The following MCAM variants were observed in gnomAD, a reference collection of about 807,000 sequenced individuals.
MCAM encodes the protein melanoma cell adhesion molecule.
Under a neutral mutation model 79.1 loss-of-function variants are expected in MCAM, and 55 were observed. That is an observed-to-expected ratio of 0.70 (90% confidence interval 0.56 to 0.87). The LOEUF is 0.87. Among genes scored for constraint, MCAM ranks in the 40% least tolerant of loss-of-function variants. The probability of loss-of-function intolerance (pLI) is 0.00; values close to 1 mark genes in which losing one functional copy is unlikely to be tolerated. For synonymous variants in MCAM, 330 were observed against 339.8 expected (o/e 0.97, Z 0.32); for missense variants, 745 against 839.8 (o/e 0.89, Z 1.40).
chr11:119,309,642 T>G lies in MCAM; in HGVS notation c.*244A>C, dbSNP rs1286404238. 1.8e-6 allele frequency: 1 copy of G among 549,588 alleles called. No homozygotes were observed. The highest frequency in any genetic ancestry group is 2.0e-5 in the African/African-American group (1 of 49,700). The allele number at this position is 549,588 out of a possible 1,614,324, so 34.0% of individuals were successfully genotyped here. A position where few individuals can be genotyped will look rare whatever the true frequency, so the allele number is the denominator to read the frequency against. On this transcript the variant is annotated 3_prime_UTR_variant, in exon 16 of 16. Transcript: ENST00000264036. ...TCCTACCCGCTCGGGAGACTGGGGCTCCTTGCTTGGGATGAGCTTCACTCA... is the reference window on the plus strand; with the variant it reads ...TCCTACCCGCTCGGGAGACTGGGGCGCCTTGCTTGGGATGAGCTTCACTCA...
Position 119,312,715 on chromosome 11 carries a change from C to T in MCAM, c.739+55G>A, listed in dbSNP as rs1950253227. ...CCTGGGCTGGATAAGGGGGAGCCAGCAGGAGTTTCCAGCAGCCCCAGCCCC... is the reference window on the plus strand; with the variant it reads ...CCTGGGCTGGATAAGGGGGAGCCAGTAGGAGTTTCCAGCAGCCCCAGCCCC... On this transcript the variant is annotated intron_variant, in intron 6 of 15. Transcript: ENST00000264036. This position sits in a 1 kb window ranked among gnomAD's most constrained non-coding sequence, Gnocchi z 4.9. The T allele has an allele frequency of 1.2e-6, 2 of 1,613,130 alleles. No homozygotes were observed. The highest frequency in any genetic ancestry group is 1.7e-6 in the Non-Finnish European group (2 of 1,179,380).
At chr11:119,310,201 G>T in intron 15 of MCAM, 148 bp downstream of exon 15, 1 of 685,660 alleles carries the variant, frequency 1.5e-6, no homozygotes, top group Non-Finnish European at 2.6e-6. Context: ...GCTTGGCCCT[G>T]CCATCTGTGA....
rs377642716 is a variant in MCAM, at chr11:119,312,663, G to T, written c.740-15C>A. 1.2e-5 allele frequency: 20 copies of T among 1,613,944 alleles called. 1 individual carries two copies. The South Asian group carries it at 2.0e-4, about 16-fold the overall frequency. On this transcript the variant is annotated splice_polypyrimidine_tract_variant and intron_variant, in intron 6 of 15. Transcript: ENST00000264036. This position sits in a 1 kb window ranked among gnomAD's most constrained non-coding sequence, Gnocchi z 4.9. ...TTCTGTCGGGTCTGCATAGGCAAAG[G>T]GGGTAGCTCTTGGCCCATGAGTCAA...
Position 119,313,084 on chromosome 11 carries a change from A to G in MCAM, c.560-135T>C, listed in dbSNP as rs754708672. 16 of 1,545,458 alleles carry G rather than the reference A, an allele frequency of 1.0e-5. 1 individual carries two copies. In the East Asian group the frequency reaches 1.2e-4, roughly 12 times the overall value. On this transcript the variant is annotated intron_variant, in intron 5 of 15. Coordinates refer to ENST00000264036, the MANE Select transcript of MCAM (RefSeq NM_006500.3). ...CTGTAGAAGGCCAGGTACAAATGCA[A>G]GCTGGAAACCCTTCAACCCAGCACT... is the stretch of plus-strand genomic sequence containing the variant.
In MCAM at chr11:119,312,201, C is replaced by A. The variant is rs1478891713; in HGVS notation, c.1025-31G>T. 1 of 1,610,596 alleles carries A rather than the reference C, an allele frequency of 6.2e-7. No individual in the cohort carries two copies. Among genetic ancestry groups the A allele is most frequent in the Non-Finnish European group, 8.5e-7 (1 of 1,177,852 alleles). ...GGTACAGCAATCATGTCACCCAGGG[C>A]AGGGTGGGGCCAGTTCCCTATTGCC... On this transcript the variant is annotated intron_variant, in intron 8 of 15. Coordinates refer to ENST00000264036, the MANE Select transcript of MCAM (RefSeq NM_006500.3). This position sits in a 1 kb window ranked among gnomAD's most constrained non-coding sequence, Gnocchi z 4.9.
Position 119,312,014 on chromosome 11 carries a change from C to G in MCAM, c.1143+38G>C, listed in dbSNP as rs1450431463. 1.2e-6 allele frequency: 2 copies of G among 1,607,246 alleles called. No individual in the cohort carries two copies. The highest frequency in any genetic ancestry group is 1.7e-6 in the Non-Finnish European group (2 of 1,176,244). On this transcript the variant is annotated intron_variant, in intron 9 of 15. Transcript: ENST00000264036. The surrounding 1 kb of genome is among the most constrained non-coding windows in gnomAD (Gnocchi z 4.9). ...CATTCTTGTCACCGCCAGCCCCACC[C>G]ACCCCATCAGCCCCTTGCCCCAGAC...
Position 119,309,820 on chromosome 11 carries a change from T to A in MCAM, c.*66A>T, listed in dbSNP as rs1198642067. 4.0e-6 allele frequency: 6 copies of A among 1,491,534 alleles called. No individual in the cohort carries two copies. The highest frequency in any genetic ancestry group is 5.5e-6 in the Non-Finnish European group (6 of 1,085,436). 92.4% of individuals were successfully genotyped at this position (1,491,534 alleles called of 1,614,324 possible). ...CTCTAGTCCCTTTGGAGGCTTTGGCTGAGAGAAGAGTGAGCAGGGAGCTGG... is the reference window on the plus strand; with the variant it reads ...CTCTAGTCCCTTTGGAGGCTTTGGCAGAGAGAAGAGTGAGCAGGGAGCTGG... On this transcript the variant is annotated 3_prime_UTR_variant, in exon 16 of 16. Coordinates refer to ENST00000264036, the MANE Select transcript of MCAM (RefSeq NM_006500.3).
chr11:119,312,186 T>A lies in MCAM; in HGVS notation c.1025-16A>T. 1 of 1,610,838 alleles carries A rather than the reference T, an allele frequency of 6.2e-7. No homozygotes were observed. Among genetic ancestry groups the A allele is most frequent in the Non-Finnish European group, 8.5e-7 (1 of 1,178,038 alleles). On this transcript the variant is annotated splice_polypyrimidine_tract_variant and intron_variant, in intron 8 of 15. Coordinates refer to ENST00000264036, the MANE Select transcript of MCAM (RefSeq NM_006500.3). The surrounding 1 kb of genome is among the most constrained non-coding windows in gnomAD (Gnocchi z 4.9). ...TCAGACACATCTGGGGGTACAGCAA[T>A]CATGTCACCCAGGGCAGGGTGGGGC... is the stretch of plus-strand genomic sequence containing the variant.
In MCAM at chr11:119,312,476, C is replaced by T. The variant is rs746872945; in HGVS notation, c.862-48G>A. 2 of 1,613,940 alleles carry T rather than the reference C, an allele frequency of 1.2e-6. No homozygotes were observed. The highest frequency in any genetic ancestry group is 2.2e-5 in the East Asian group (1 of 44,880). ...GCAGAGTGCACCTCCCGCCACTCCA[C>T]CTGGGTCTCTGCTTGCATCCCCACC... On this transcript the variant is annotated intron_variant, in intron 7 of 15. Transcript: ENST00000264036. This position sits in a 1 kb window ranked among gnomAD's most constrained non-coding sequence, Gnocchi z 4.9.
chr11:119,309,671 TGGA>T lies in MCAM; in HGVS notation c.*212_*214del, dbSNP rs148726764. On this transcript the variant is annotated 3_prime_UTR_variant, in exon 16 of 16. Coordinates refer to ENST00000264036, the MANE Select transcript of MCAM (RefSeq NM_006500.3). Reference sequence around the variant, plus strand: ...TGCTTGGGATGAGCTTCACTCAACGTGGAGGAGATGGTGGTGGACTGGTCCCTG... The same window carrying T: ...TGCTTGGGATGAGCTTCACTCAACGTGGAGATGGTGGTGGACTGGTCCCTG... The T allele has an allele frequency of 0.85, 491,712 of 578,202 alleles. 209,995 individuals carry two copies. The highest frequency in any genetic ancestry group is 0.98 in the East Asian group (34,379 of 35,164). 35.8% of individuals were successfully genotyped at this position (578,202 alleles called of 1,614,324 possible). A position where few individuals can be genotyped will look rare whatever the true frequency, so the allele number is the denominator to read the frequency against.
chr11:119,316,945 C>G lies in MCAM; in HGVS notation c.67+90G>C, dbSNP rs1020631259. 137 of 1,216,498 alleles carry G rather than the reference C, an allele frequency of 1.1e-4. No homozygotes were observed. The South Asian group carries it at 1.8e-3, about 16-fold the overall frequency. The allele number at this position is 1,216,498 out of a possible 1,614,324, so 75.4% of individuals were successfully genotyped here. On this transcript the variant is annotated intron_variant, in intron 1 of 15. Transcript: ENST00000264036. The surrounding 1 kb of genome is among the most constrained non-coding windows in gnomAD (Gnocchi z 4.8). ...AGGCTCGTCCTCCCAGACGCAACGCCCCGACCCCGCCGCGCCGCTGGCTCT... is the reference window on the plus strand; with the variant it reads ...AGGCTCGTCCTCCCAGACGCAACGCGCCGACCCCGCCGCGCCGCTGGCTCT...
In MCAM at chr11:119,309,504, G is replaced by T; in HGVS notation, c.*382C>A. On this transcript the variant is annotated 3_prime_UTR_variant, in exon 16 of 16. Coordinates refer to ENST00000264036, the MANE Select transcript of MCAM (RefSeq NM_006500.3). ...TGGTGCACCTGGATGGTGGAAGCCAGCCTTTGGGGCAGGAAACCAGCTCAG... is the reference window on the plus strand; with the variant it reads ...TGGTGCACCTGGATGGTGGAAGCCATCCTTTGGGGCAGGAAACCAGCTCAG... 1 of 276,834 alleles carries T rather than the reference G, an allele frequency of 3.6e-6. No homozygotes were observed. Among genetic ancestry groups the T allele is most frequent in the Non-Finnish European group, 6.9e-6 (1 of 144,194 alleles). The allele number at this position is 276,834 out of a possible 1,614,324, so 17.1% of individuals were successfully genotyped here.
At position 119,311,314 on chromosome 11, in the gene MCAM, C is replaced by T; in HGVS notation, c.1515G>A (p.Leu505=). Residue 505 remains leucine (L), a synonymous_variant, in exon 12 of 16, where the codon CTG becomes CTA. Coordinates refer to ENST00000264036, the MANE Select transcript of MCAM (RefSeq NM_006500.3). The surrounding 1 kb of genome is among the most constrained non-coding windows in gnomAD (Gnocchi z 4.4). Reference sequence around the variant, plus strand: ...GGAAGAGGATGCTGGTGTTTTTGCCCAGGTCGTTGGAGGCCGTGCATTCAA... The same window carrying T: ...GGAAGAGGATGCTGGTGTTTTTGCCTAGGTCGTTGGAGGCCGTGCATTCAA... ...TGVECTASND[L]GKNTSILFLE... 1 of 1,614,196 alleles carries T rather than the reference C, an allele frequency of 6.2e-7. No individual in the cohort carries two copies. Among genetic ancestry groups the T allele is most frequent in the African/African-American group, 1.3e-5 (1 of 75,050 alleles).
intron 5 of MCAM, chr11:119,313,804 C>A (rs1565281933): frequency 7.9e-6 from 2 of 253,394 alleles, no homozygotes; most frequent in Non-Finnish European, 1.3e-5. Flanking sequence ...GGCAGTAGCA[C>A]CCCCTCTATG....
At position 119,311,028 on chromosome 11, in the gene MCAM, GGA is replaced by G; in HGVS notation, c.1645+60_1645+61del. On this transcript the variant is annotated intron_variant, in intron 13 of 15. Transcript: ENST00000264036. The surrounding 1 kb of genome is among the most constrained non-coding windows in gnomAD (Gnocchi z 4.4). ...CACCTTTCTGGACAGGGCTCTCTGG[GGA>G]GGGACAGGGCAGAAAGGATGCCCTG... 6.2e-7 allele frequency: 1 copy of G among 1,614,122 alleles called. No homozygotes were observed.
rs929896633 is a variant in MCAM, at chr11:119,312,046, G to A, written c.1143+6C>T. On this transcript the variant is annotated splice_donor_region_variant and intron_variant, in intron 9 of 15. Coordinates refer to ENST00000264036, the MANE Select transcript of MCAM (RefSeq NM_006500.3). This position sits in a 1 kb window ranked among gnomAD's most constrained non-coding sequence, Gnocchi z 4.9. ...TCAGCCCCTTGCCCCAGACCCGCCT[G>A]GGTACCTCTTCTCTCAGCCACTGGA... is the stretch of plus-strand genomic sequence containing the variant. 1 of 1,608,698 alleles carries A rather than the reference G, an allele frequency of 6.2e-7. No homozygotes were observed. The highest frequency in any genetic ancestry group is 8.5e-7 in the Non-Finnish European group (1 of 1,177,110).
In MCAM at chr11:119,315,602, G is replaced by T; in HGVS notation, c.68-339C>A. On this transcript the variant is annotated intron_variant, in intron 1 of 15. Coordinates refer to ENST00000264036, the MANE Select transcript of MCAM (RefSeq NM_006500.3). This position sits in a 1 kb window ranked among gnomAD's most constrained non-coding sequence, Gnocchi z 4.4. Reference sequence around the variant, plus strand: ...TCCAGGCCCCCTCCTCTCCGGGTGAGCTCAGAGTGTGGGAATGCAAAGCAT... The same window carrying T: ...TCCAGGCCCCCTCCTCTCCGGGTGATCTCAGAGTGTGGGAATGCAAAGCAT... 1 of 319,984 alleles carries T rather than the reference G, an allele frequency of 3.1e-6. No individual in the cohort carries two copies. The allele number at this position is 319,984 out of a possible 1,614,324, so 19.8% of individuals were successfully genotyped here.
rs1230179598 is a variant in MCAM at position 119,316,919 on chromosome 11, G to A, written c.67+116C>T. ...GCCCGGGGATCGGGGACCCAGGGAG[G>A]AGGCTCGTCCTCCCAGACGCAACGC... On this transcript the variant is annotated intron_variant, in intron 1 of 15. Coordinates refer to ENST00000264036, the MANE Select transcript of MCAM (RefSeq NM_006500.3). This position sits in a 1 kb window ranked among gnomAD's most constrained non-coding sequence, Gnocchi z 4.8. 2.4e-6 allele frequency: 2 copies of A among 840,094 alleles called. No individual in the cohort carries two copies. Among genetic ancestry groups the A allele is most frequent in the Admixed American group, 6.2e-5 (2 of 32,162 alleles). 52.0% of individuals were successfully genotyped at this position (840,094 alleles called of 1,614,324 possible).
Position 119,316,922 on chromosome 11 carries a change from G to T in MCAM, c.67+113C>A. On this transcript the variant is annotated intron_variant, in intron 1 of 15. Transcript: ENST00000264036. The surrounding 1 kb of genome is among the most constrained non-coding windows in gnomAD (Gnocchi z 4.8). ...CGGGGATCGGGGACCCAGGGAGGAGGCTCGTCCTCCCAGACGCAACGCCCC... is the reference window on the plus strand; with the variant it reads ...CGGGGATCGGGGACCCAGGGAGGAGTCTCGTCCTCCCAGACGCAACGCCCC... The T allele has an allele frequency of 4.6e-6, 4 of 875,216 alleles. No individual in the cohort carries two copies. The Admixed American group carries it at 9.0e-5, about 20-fold the overall frequency. 54.2% of individuals were successfully genotyped at this position (875,216 alleles called of 1,614,324 possible). A position where few individuals can be genotyped will look rare whatever the true frequency, so the allele number is the denominator to read the frequency against.
Sources: gnomAD v4.1 joint callset for allele counts on GRCh38, gnomAD v4.1.1 for gene constraint, Gnocchi (gnomAD v3.1) non-coding constraint, MANE v1.5 for transcripts, NCBI Gene and HGNC (gene_info 2026-07-23, HGNC 2026-07-21) for gene names.